ZFHX3: variants seen among roughly 807,000 people sequenced by gnomAD.
The protein encoded by ZFHX3 is zinc finger homeobox 3.
Under a neutral mutation model 279.1 loss-of-function variants are expected in ZFHX3, and 42 were observed. The observed-to-expected ratio is 0.15, with a 90% CI of 0.12 to 0.19. The LOEUF is 0.19. Among genes scored for constraint, ZFHX3 ranks in the 10% least tolerant of loss-of-function variants. The pLI is 1.00. For synonymous variants in ZFHX3, 2,293 were observed against 1,957.8 expected (o/e 1.17, Z -4.52); for missense variants, 4,981 against 4,754.0 (o/e 1.05, Z -1.40).
At chr16:73,172,354 G>A (rs1361515063) in intron 5 of ZFHX3, among the ~76,000 whole-genome samples, 1 of 152,208 alleles carries the variant, frequency 6.6e-6, no homozygotes, top group African/African-American at 2.4e-5. Context: ...CATGTCTTGG[G>A]AGAGATCCGT....
At chr16:73,758,357 G>C (rs936999339) in intron 1 of ZFHX3, among the ~76,000 whole-genome samples, 2 of 152,158 alleles carry the variant, frequency 1.3e-5, no homozygotes, top group Non-Finnish European at 2.9e-5. Flanking sequence ...TCACCACAGA[G>C]TTCTCAGAGA....
chr16:73,298,673 G>A (rs74030041), intron 4 of ZFHX3, among the ~76,000 whole-genome samples: 1,972 of 152,268 alleles, frequency 0.013, 41 homozygotes, highest in African/African-American at 0.044. Context: ...ATGGATGGAG[G>A]CTGAGCTCAG....
intron 3 of ZFHX3, among the ~76,000 whole-genome samples, chr16:73,336,584 T>G (rs922810728): frequency 2.0e-5 from 3 of 152,182 alleles, no homozygotes; most frequent in African/African-American, 7.2e-5. Context: ...TTTTTATGAC[T>G]GTGTAGTAGT....
rs1343887227 is a variant in ZFHX3, at chr16:73,624,297, G to T, written c.-1547+55883C>A. Among the ~76,000 whole-genome samples, 4 of 152,130 alleles carry T rather than the reference G, an allele frequency of 2.6e-5. 1 individual carries two copies. Among genetic ancestry groups the T allele is most frequent in the Admixed American group, 2.6e-4 (4 of 15,280 alleles). ...CTTTAGCTGTTTCAAATGCACCAAT[G>T]TTTATGTTTATGTTACAAATAGGCT... is the stretch of plus-strand genomic sequence containing the variant. On this transcript the variant is annotated intron_variant, in intron 2 of 17. Transcript: ENST00000641206.
At chr16:73,776,698 C>T (rs1435556823) in intron 1 of ZFHX3, among the ~76,000 whole-genome samples, 4 of 152,136 alleles carry the variant, frequency 2.6e-5, no homozygotes, top group Non-Finnish European at 4.4e-5. Context: ...TGACAAACCT[C>T]TCACCTCTGA....
chr16:73,385,434 C>G (rs1388747154), intron 3 of ZFHX3, among the ~76,000 whole-genome samples: 1 of 152,162 alleles, frequency 6.6e-6, no homozygotes, highest in African/African-American at 2.4e-5. Flanking sequence ...CACTTGCTGC[C>G]TTGACCATCA....
At chr16:73,716,663 G>A (rs897166451) in intron 1 of ZFHX3, among the ~76,000 whole-genome samples, 10 of 145,466 alleles carry the variant, frequency 6.9e-5, no homozygotes, top group East Asian at 2.0e-4. Flanking sequence ...ATGCACGCAC[G>A]CACAGACCTA....
chr16:73,055,847 T>TACAC lies in ZFHX3; in HGVS notation c.-24+2679_-24+2682dup, dbSNP rs10672414. Among the ~76,000 whole-genome samples the TACAC allele has an allele frequency of 2.2e-3, 308 of 138,658 alleles. 1 individual carries two copies. Among genetic ancestry groups the TACAC allele is most frequent in the African/African-American group, 4.1e-3 (151 of 36,596 alleles). The allele number at this position is 138,658 out of a possible 152,430, so 91.0% of individuals were successfully genotyped here. On this transcript the variant is annotated intron_variant, in intron 1 of 8. Transcript: ENST00000397992. ...CCCCAAATCCTCATACCTACAACTC[T>TACAC]ACACACACACACACACACACACACA... is the stretch of plus-strand genomic sequence containing the variant.
intron 4 of ZFHX3, among the ~76,000 whole-genome samples, chr16:72,859,460 C>T (rs1197241100): frequency 6.6e-6 from 1 of 152,214 alleles, no homozygotes; most frequent in Non-Finnish European, 1.5e-5. Context: ...TCTCCCAACT[C>T]CTCTTTTACA....
chr16:73,664,347 C>T (rs966019005), intron 2 of ZFHX3, among the ~76,000 whole-genome samples: 1 of 152,124 alleles, frequency 6.6e-6, no homozygotes, highest in African/African-American at 2.4e-5. Context: ...TTGACAATTG[C>T]ATCAATATCT....
chr16:73,803,630 C>T (rs9940997), intron 1 of ZFHX3, among the ~76,000 whole-genome samples: 3,412 of 152,196 alleles, frequency 0.022, 134 homozygotes, highest in African/African-American at 0.076. Flanking sequence ...TCTTGATTCA[C>T]CTAAAGCCTT....
chr16:72,838,939 T>C (rs2037271569), intron 4 of ZFHX3, among the ~76,000 whole-genome samples: 1 of 151,810 alleles, frequency 6.6e-6, no homozygotes, highest in Non-Finnish European at 1.5e-5. Context: ...TGAGTTCCAG[T>C]TTGTAAAATA....
intron 1 of ZFHX3, among the ~76,000 whole-genome samples, chr16:73,710,372 T>C (rs1407162458): frequency 6.6e-6 from 1 of 152,210 alleles, no homozygotes; most frequent in East Asian, 1.9e-4. Context: ...TACCCATTTT[T>C]AACTATGTCC....
chr16:72,876,885 C>T (rs1567560035), intron 4 of ZFHX3, among the ~76,000 whole-genome samples: 1 of 152,102 alleles, frequency 6.6e-6, no homozygotes, highest in Admixed American at 6.5e-5. Flanking sequence ...ATCCTTCCCT[C>T]TGGGGGTCTT....
At chr16:73,245,593 G>C (rs1309346558) in intron 5 of ZFHX3, among the ~76,000 whole-genome samples, 1 of 152,242 alleles carries the variant, frequency 6.6e-6, no homozygotes, top group Non-Finnish European at 1.5e-5. Context: ...AATAAGCAAA[G>C]ATGGTGTCCA....
chr16:72,911,887 G>A (rs1389020125), intron 3 of ZFHX3, among the ~76,000 whole-genome samples: 4 of 152,132 alleles, frequency 2.6e-5, no homozygotes, highest in Non-Finnish European at 5.9e-5. Context: ...AGAGGGATGC[G>A]GGAGACGTCA....
intron 1 of ZFHX3, among the ~76,000 whole-genome samples, chr16:73,802,316 G>C (rs1882360008): frequency 6.6e-6 from 1 of 152,238 alleles, no homozygotes; most frequent in African/African-American, 2.4e-5. Context: ...GACTCCACAG[G>C]GAAGGGAGGG....
chr16:73,546,938 C>T (rs567662869), intron 2 of ZFHX3, among the ~76,000 whole-genome samples: 3 of 152,120 alleles, frequency 2.0e-5, no homozygotes, highest in Admixed American at 6.5e-5. Flanking sequence ...GCCCCTCCGA[C>T]CCACCCCTAC....
chr16:73,054,696 G>C (rs1351168126), intron 1 of ZFHX3, among the ~76,000 whole-genome samples: 1 of 152,024 alleles, frequency 6.6e-6, no homozygotes, highest in African/African-American at 2.4e-5. Context: ...TGGTGGGGGA[G>C]GGAATAGATG....
Sources: allele counts gnomAD v4.1 joint callset (sites outside exome capture counted in the v4.1 genomes callset), GRCh38; gene constraint gnomAD v4.1.1; transcripts MANE v1.5; gene names NCBI Gene and HGNC (gene_info 2026-07-23, HGNC 2026-07-21).